The following AMBRA1 variants were observed in gnomAD, a reference collection of about 807,000 sequenced individuals.
The protein encoded by AMBRA1 is activating molecule in BECN1-regulated autophagy protein 1.
AMBRA1 carries 47 observed loss-of-function variants against 125.4 expected under a neutral mutation model. The observed-to-expected ratio is 0.37, with a 90% confidence interval of 0.30 to 0.48. The LOEUF (loss-of-function observed/expected upper bound fraction) is 0.48. Among genes scored for constraint, AMBRA1 ranks in the 20% least tolerant of loss-of-function variants. The probability of loss-of-function intolerance (pLI) is 0.99; values close to 1 mark genes in which losing one functional copy is unlikely to be tolerated. For missense variants in AMBRA1, 1,331 were observed against 1,693.4 expected (o/e 0.79, Z 3.76); for synonymous variants, 626 against 655.5 (o/e 0.95, Z 0.69).
chr11:46,552,410 A>G (rs111710050), intron 1 of AMBRA1, among the ~76,000 whole-genome samples: 1,356 of 131,834 alleles, frequency 0.01, 33 homozygotes, highest in African/African-American at 0.037. Flanking sequence ...AAAAAAGGCC[A>G]GGCACGGTAG....
chr11:46,523,890 T>TA (rs1291074514), intron 7 of AMBRA1, among the ~76,000 whole-genome samples: 1 of 152,140 alleles, frequency 6.6e-6, no homozygotes, highest in Non-Finnish European at 1.5e-5. Context: ...TATTTTGAGA[T>TA]AGAGTTTCGC....
At chr11:46,573,704 T>C (rs541939946) in intron 1 of AMBRA1, among the ~76,000 whole-genome samples, 1 of 150,912 alleles carries the variant, frequency 6.6e-6, no homozygotes, top group Non-Finnish European at 1.5e-5. Context: ...TTAGGGTACA[T>C]GTGCATATTG....
intron 1 of AMBRA1, among the ~76,000 whole-genome samples, chr11:46,584,521 A>G (rs547083153): frequency 1.6e-4 from 24 of 151,736 alleles, no homozygotes; most frequent in African/African-American, 5.5e-4. Flanking sequence ...CTTGAAGTAT[A>G]ATAATAATAA....
intron 7 of AMBRA1, chr11:46,530,582 C>T (rs1023599428): frequency 6.6e-6 from 1 of 152,232 alleles, no homozygotes; most frequent in Non-Finnish European, 1.5e-5. Context: ...CCAATACTTA[C>T]TTAGAGCATC....
At chr11:46,442,942 G>C (rs1948091972) in intron 12 of AMBRA1, among the ~76,000 whole-genome samples, 1 of 152,130 alleles carries the variant, frequency 6.6e-6, no homozygotes, top group African/African-American at 2.4e-5. Flanking sequence ...GGCTGGTCTT[G>C]AACTCCTGAC....
At chr11:46,429,149 A>G (rs1947322411) in intron 14 of AMBRA1, 2 of 1,586,340 alleles carry the variant, frequency 1.3e-6, no homozygotes, top group Non-Finnish European at 1.7e-6. Context: ...AGGCATCAAC[A>G]TCTGGCAGGT....
intron 7 of AMBRA1, among the ~76,000 whole-genome samples, chr11:46,528,302 G>A (rs1480039747): frequency 6.6e-6 from 1 of 152,162 alleles, no homozygotes; most frequent in Non-Finnish European, 1.5e-5. Flanking sequence ...CTCCTGAGTA[G>A]CTGGGTTACA....
intron 7 of AMBRA1, among the ~76,000 whole-genome samples, chr11:46,522,717 T>A (rs1254183799): frequency 6.6e-6 from 1 of 152,232 alleles, no homozygotes; most frequent in Non-Finnish European, 1.5e-5. Context: ...TCCTTAAAAG[T>A]CTACCTCCAG....
chr11:46,438,476 C>A lies in AMBRA1; in HGVS notation c.2633-3439G>T, dbSNP rs1268534495. On this transcript the variant is annotated intron_variant, in intron 12 of 17. Coordinates refer to ENST00000683756, the MANE Select transcript of AMBRA1 (RefSeq NM_001387011.1). Reference sequence around the variant, plus strand: ...GATTTGTAGCCTGTTGCTGGCTGGCCAGATGAGGCCACGGGAGCAATTAGC... The same window carrying A: ...GATTTGTAGCCTGTTGCTGGCTGGCAAGATGAGGCCACGGGAGCAATTAGC... Among the ~76,000 whole-genome samples, 3 of 152,240 alleles carry A rather than the reference C, an allele frequency of 2.0e-5. No individual in the cohort carries two copies. In the East Asian group the frequency reaches 5.8e-4, roughly 29 times the overall value.
chr11:46,543,823 C>G, intron 6 of AMBRA1, 152 bp downstream of exon 6: 1 of 692,450 alleles, frequency 1.4e-6, no homozygotes, highest in East Asian at 2.7e-5. Flanking sequence ...GGCTATAACC[C>G]TGAATATACA....
chr11:46,455,058 A>AG (rs1340008697), intron 11 of AMBRA1, among the ~76,000 whole-genome samples: 1 of 151,856 alleles, frequency 6.6e-6, no homozygotes, highest in East Asian at 1.9e-4. Flanking sequence ...ATTAAAAAAA[A>AG]ATTTGTTTTT....
chr11:46,536,460 T>C (rs1952482530), intron 7 of AMBRA1, among the ~76,000 whole-genome samples: 1 of 152,004 alleles, frequency 6.6e-6, no homozygotes, highest in East Asian at 1.9e-4. Context: ...ATATTCCCCA[T>C]CCAAAGAAAC....
chr11:46,516,542 T>C (rs1333393695), intron 7 of AMBRA1, among the ~76,000 whole-genome samples: 2 of 148,642 alleles, frequency 1.3e-5, no homozygotes, highest in African/African-American at 2.5e-5. Flanking sequence ...GCCATTCTCC[T>C]GCCTCAGCCT....
intron 1 of AMBRA1, among the ~76,000 whole-genome samples, chr11:46,554,053 GATTA>G (rs892478236): frequency 1.4e-4 from 21 of 152,206 alleles, no homozygotes; most frequent in Admixed American, 2.6e-4. Flanking sequence ...CCACATAAGT[GATTA>G]ATTACTAACC....
chr11:46,498,326 C>T (rs545368910), intron 9 of AMBRA1, among the ~76,000 whole-genome samples: 4 of 152,130 alleles, frequency 2.6e-5, no homozygotes, highest in African/African-American at 9.7e-5. Context: ...CAGGGAAACA[C>T]CAGAGAAACC....
intron 1 of AMBRA1, among the ~76,000 whole-genome samples, chr11:46,557,300 CAAAA>C (rs540969219): frequency 4.1e-5 from 2 of 49,132 alleles, no homozygotes; most frequent in Non-Finnish European, 8.2e-5. Flanking sequence ...GACTCCATCT[CAAAA>C]AAAAAAAAAA....
intron 7 of AMBRA1, among the ~76,000 whole-genome samples, chr11:46,516,423 CTT>C (rs1162985350): frequency 4.1e-5 from 3 of 73,184 alleles, no homozygotes; most frequent in African/African-American, 1.5e-4. Context: ...AAAGATCTTT[CTT>C]TTTTTTTTTT....
chr11:46,469,402 T>C (rs1228971718), intron 11 of AMBRA1, among the ~76,000 whole-genome samples: 1 of 152,010 alleles, frequency 6.6e-6, no homozygotes, highest in Non-Finnish European at 1.5e-5. Context: ...ATCCTTAGAT[T>C]ACAACAGACT....
Position 46,403,305 on chromosome 11 carries a change from C to T in AMBRA1, c.3403+5208G>A, listed in dbSNP as rs139974491. 4.1e-3 allele frequency among the ~76,000 whole-genome samples: 631 copies of T among 152,306 alleles called. 4 individuals are homozygous for T. The highest frequency in any genetic ancestry group is 0.014 in the African/African-American group (576 of 41,578). On this transcript the variant is annotated intron_variant, in intron 17 of 17. Coordinates refer to ENST00000683756, the MANE Select transcript of AMBRA1 (RefSeq NM_001387011.1). ...CCTCTGGGAGTACTGGTCTTCCAGC[C>T]CCTCCCTCTTCACATTTGCTTTTTC...
Sources: gnomAD v4.1 joint callset for allele counts (sites outside exome capture counted in the v4.1 genomes callset) on GRCh38, gnomAD v4.1.1 for gene constraint, MANE v1.5 for transcripts, NCBI Gene and HGNC (gene_info 2026-07-23, HGNC 2026-07-21) for gene names.